PCDHA7: variants seen among roughly 807,000 people sequenced by gnomAD.
PCDHA7 encodes the protein protocadherin alpha 7.
A neutral mutation model predicts 57.2 loss-of-function variants in PCDHA7; 37 were observed. The ratio of observed to expected loss-of-function variants is 0.65; its 90% CI spans 0.50 to 0.85. The LOEUF (loss-of-function observed/expected upper bound fraction) is 0.85, where lower values mean the gene tolerates loss of function less well. Ranked by LOEUF, PCDHA7 falls within the 40% of genes least tolerant of loss-of-function variation. PCDHA7 has a pLI of 0.00. For missense variants in PCDHA7, 1,188 were observed against 1,241.8 expected, an observed-to-expected ratio of 0.96 and a Z score of 0.65; for synonymous variants, 553 against 558.8, an observed-to-expected ratio of 0.99 and a Z score of 0.15.
rs2150347261 is a variant in PCDHA7, at chr5:140,842,884, G to A, written c.2355+6146G>A. ...AGAGCGGCAAGGTGTACGCGCTGCA[G>A]CCGCTGGACCACGAGGAGCTAGAGC... On this transcript the variant is annotated intron_variant, in intron 1 of 3. Transcript: ENST00000525929. 17 of 1,594,074 alleles carry A rather than the reference G, an allele frequency of 1.1e-5. 3 individuals are homozygous for A. The African/African-American group carries it at 1.8e-4, about 16-fold the overall frequency.
intron 1 of PCDHA7, chr5:140,858,351 T>G: frequency 6.3e-7 from 1 of 1,594,234 alleles, no homozygotes; most frequent in Non-Finnish European, 8.6e-7. Context: ...GCGGACCTCA[T>G]GGCCTTCAGC....
intron 3 of PCDHA7, among the ~76,000 whole-genome samples, chr5:140,986,774 A>G (rs1201484926): frequency 6.6e-6 from 1 of 152,226 alleles, no homozygotes; most frequent in Non-Finnish European, 1.5e-5. Context: ...TTAATTAGGT[A>G]GCGGAAGCCA....
chr5:140,897,312 T>G (rs1367286366), intron 1 of PCDHA7, among the ~76,000 whole-genome samples: 12 of 150,180 alleles, frequency 8.0e-5, no homozygotes, highest in Non-Finnish European at 1.6e-4. Context: ...TAGGTATATC[T>G]CCTAAAGCTA....
At chr5:140,850,446 G>A (rs2150484747) in intron 1 of PCDHA7, 1 of 1,598,030 alleles carries the variant, frequency 6.3e-7, no homozygotes, top group Non-Finnish European at 8.6e-7. Context: ...ACTGGTGCTG[G>A]TGAAAGACCA....
At chr5:140,914,615 A>G (rs573524299) in intron 1 of PCDHA7, among the ~76,000 whole-genome samples, 12 of 151,836 alleles carry the variant, frequency 7.9e-5, no homozygotes, top group African/African-American at 2.9e-4. Context: ...GCCATTTTGT[A>G]ATTTGTTTTC....
At chr5:140,954,832 A>G (rs2095096599) in intron 1 of PCDHA7, among the ~76,000 whole-genome samples, 1 of 152,208 alleles carries the variant, frequency 6.6e-6, no homozygotes, top group Admixed American at 6.5e-5. Flanking sequence ...CACTTTTGTC[A>G]TGAAATCTTT....
chr5:140,981,037 A>T (rs1427761331), intron 2 of PCDHA7, among the ~76,000 whole-genome samples: 1 of 152,204 alleles, frequency 6.6e-6, no homozygotes, highest in Non-Finnish European at 1.5e-5. Context: ...TTTGGGGAAA[A>T]AAAACAGATA....
chr5:140,856,721 G>A (rs1043107454), intron 1 of PCDHA7: 7 of 1,596,646 alleles, frequency 4.4e-6, no homozygotes, highest in South Asian at 1.1e-5. Context: ...TACCGGATCT[G>A]TTTCTCTGCT....
In PCDHA7 at chr5:140,869,747, C is replaced by G. The variant is rs1554163400; in HGVS notation, c.2355+33009C>G. 1.2e-6 allele frequency: 2 copies of G among 1,613,158 alleles called. No individual in the cohort carries two copies. Reference sequence around the variant, plus strand: ...GAACTTAATTTGCTGCTAACAGCTACAGACGGGGGAAAACCAGAGCTTACT... The same window carrying G: ...GAACTTAATTTGCTGCTAACAGCTAGAGACGGGGGAAAACCAGAGCTTACT... On this transcript the variant is annotated intron_variant, in intron 1 of 3. Coordinates refer to ENST00000525929, the MANE Select transcript of PCDHA7 (RefSeq NM_018910.3).
rs200253752 is a variant in PCDHA7, at chr5:140,890,259, T to TA, written c.2355+53521_2355+53522insA. ...TTTACCAGTACACTACTGCACCTGA[T>TA]TGCAAGCAAGAACCACTCAGTTGAG... On this transcript the variant is annotated intron_variant, in intron 1 of 3. Coordinates refer to ENST00000525929, the MANE Select transcript of PCDHA7 (RefSeq NM_018910.3). Among the ~76,000 whole-genome samples the TA allele has an allele frequency of 8.0e-3, 1,219 of 152,258 alleles. 6 individuals carry two copies. Among genetic ancestry groups the TA allele is most frequent in the African/African-American group, 0.019 (787 of 41,546 alleles).
intron 1 of PCDHA7, among the ~76,000 whole-genome samples, chr5:140,923,395 G>A (rs782033907): frequency 6.6e-6 from 1 of 152,240 alleles, no homozygotes; most frequent in South Asian, 2.1e-4. Flanking sequence ...GGGCATGGTG[G>A]TGTGTGCCTA....
At chr5:140,928,099 C>T in intron 1 of PCDHA7, 5 of 1,614,204 alleles carry the variant, frequency 3.1e-6, no homozygotes, top group Non-Finnish European at 4.2e-6. Context: ...TGATGGGCCC[C>T]TGGACCGGGA....
chr5:140,834,458 G>A lies in PCDHA7; in HGVS notation c.75G>A (p.Glu25=). The change falls in exon 1 of 4, where the codon GAG becomes GAA. Residue 25 remains glutamate (E), a synonymous_variant. Transcript: ENST00000525929. Reference sequence around the variant, plus strand: ...TTATTATAATTCTAGCAGCTTGGGAGGCAGGGAGAGGCCAGCTCCACTACT... The same window carrying A: ...TTATTATAATTCTAGCAGCTTGGGAAGCAGGGAGAGGCCAGCTCCACTACT... ...LLFIIILAAW[E]AGRGQLHYSV... is the part of the protein sequence containing the mutation. 6.2e-7 allele frequency: 1 copy of A among 1,614,178 alleles called. No individual in the cohort carries two copies. The highest frequency in any genetic ancestry group is 8.5e-7 in the Non-Finnish European group (1 of 1,180,032).
chr5:140,863,301 C>T lies in PCDHA7; in HGVS notation c.2355+26563C>T, dbSNP rs782465834. ...ATGTCAACGTGTACCTGATCATCGC[C>T]ATCTGCGTGGTGTCCAGCCTGTTAG... On this transcript the variant is annotated intron_variant, in intron 1 of 3. Coordinates refer to ENST00000525929, the MANE Select transcript of PCDHA7 (RefSeq NM_018910.3). The T allele has an allele frequency of 2.7e-6, 4 of 1,463,618 alleles. No homozygotes were observed. In the South Asian group the frequency reaches 4.5e-5, roughly 16 times the overall value. 90.7% of individuals were successfully genotyped at this position (1,463,618 alleles called of 1,614,324 possible).
rs2086142013 is a variant in PCDHA7, at chr5:140,929,415, C to T, written c.2356-49534C>T. 11 of 1,504,150 alleles carry T rather than the reference C, an allele frequency of 7.3e-6. 1 individual carries two copies. In the South Asian group the frequency reaches 1.2e-4, roughly 17 times the overall value. 93.2% of individuals were successfully genotyped at this position (1,504,150 alleles called of 1,614,324 possible). A position where few individuals can be genotyped will look rare whatever the true frequency, so the allele number is the denominator to read the frequency against. On this transcript the variant is annotated intron_variant, in intron 1 of 3. Coordinates refer to ENST00000525929, the MANE Select transcript of PCDHA7 (RefSeq NM_018910.3). The stretch of plus-strand genomic sequence containing the variant: ...TATTTCTTAGACAAGCCTTTCACAA[C>T]ATTTCATCAATTGAACTAAACACTC...
chr5:140,956,130 AC>A (rs1328169081), intron 1 of PCDHA7, among the ~76,000 whole-genome samples: 3 of 152,088 alleles, frequency 2.0e-5, no homozygotes. Context: ...CTATTTGAAT[AC>A]CCTTTATTTC....
At chr5:140,852,756 G>A in intron 1 of PCDHA7, 1 of 983,910 alleles carries the variant, frequency 1.0e-6, no homozygotes, top group Non-Finnish European at 1.2e-6. Context: ...CTTGGACCCA[G>A]GTATCTGATT....
intron 3 of PCDHA7, among the ~76,000 whole-genome samples, chr5:140,995,541 G>T (rs1444257516): frequency 6.6e-5 from 10 of 152,186 alleles, no homozygotes; most frequent in Non-Finnish European, 1.3e-4. Context: ...CAAATAAGGG[G>T]CGATCACTGT....
intron 3 of PCDHA7, among the ~76,000 whole-genome samples, chr5:140,991,302 T>C (rs2097443703): frequency 6.6e-6 from 1 of 152,204 alleles, no homozygotes; most frequent in African/African-American, 2.4e-5. Flanking sequence ...ATTACTATTA[T>C]CTTGTCCCGC....
Sources: allele counts gnomAD v4.1 joint callset (sites outside exome capture counted in the v4.1 genomes callset), GRCh38; gene constraint gnomAD v4.1.1; transcripts MANE v1.5; gene names NCBI Gene and HGNC (gene_info 2026-07-23, HGNC 2026-07-21).